Variants in PSD observed in about 807,000 individuals in gnomAD.
The protein encoded by PSD is PH and SEC7 domain-containing protein 1.
A neutral mutation model predicts 91.6 loss-of-function variants in PSD; 32 were observed. The observed-to-expected ratio is 0.35, with a 90% CI of 0.26 to 0.47. PSD has a LOEUF of 0.47. PSD is among the 20% of genes least tolerant of loss of function. The probability of loss-of-function intolerance (pLI) is 1.00; values close to 1 mark genes in which losing one functional copy is unlikely to be tolerated. For missense variants in PSD, 1,099 were observed against 1,373.9 expected (o/e 0.80, Z 3.16); for synonymous variants, 532 against 569.3 (o/e 0.93, Z 0.93).
intron 3 of PSD, among the ~76,000 whole-genome samples, 189 bp downstream of exon 3, chr10:102,415,828 C>T (rs1018404572): frequency 5.3e-5 from 8 of 152,204 alleles, no homozygotes; most frequent in African/African-American, 1.9e-4. Flanking sequence ...CTCCAGGTGC[C>T]CTGCCCAGTC....
rs1312119395 is a variant in PSD at position 102,405,977 on chromosome 10, TG to T, written c.2136-442del. 1 of 169,912 alleles carries T rather than the reference TG, an allele frequency of 5.9e-6. No homozygotes were observed. The highest frequency in any genetic ancestry group is 1.6e-4 in the South Asian group (1 of 6,444). 10.5% of individuals were successfully genotyped at this position (169,912 alleles called of 1,614,324 possible). On this transcript the variant is annotated intron_variant, in intron 11 of 16. Coordinates refer to ENST00000020673, the MANE Select transcript of PSD (RefSeq NM_002779.5). This position sits in a 1 kb window ranked among gnomAD's most constrained non-coding sequence, Gnocchi z 5.4. ...GCCCCCACCCCAACCCCATACATCCTGGTCTACAGGCTCAGTCAGATACAAA... is the reference window on the plus strand; with the variant it reads ...GCCCCCACCCCAACCCCATACATCCTGTCTACAGGCTCAGTCAGATACAAA...
chr10:102,415,466 T>TTTTATTTA (rs111940739), intron 3 of PSD, among the ~76,000 whole-genome samples: 2 of 152,130 alleles, frequency 1.3e-5, no homozygotes, highest in African/African-American at 4.8e-5. Context: ...TTTCTGTCTT[T>TTTTATTTA]TTTATTTATT....
Position 102,404,505 on chromosome 10 carries a change from G to T in PSD, c.2700+78C>A. 6.6e-7 allele frequency: 1 copy of T among 1,506,568 alleles called. No individual in the cohort carries two copies. Among genetic ancestry groups the T allele is most frequent in the Non-Finnish European group, 9.0e-7 (1 of 1,116,960 alleles). 93.3% of individuals were successfully genotyped at this position (1,506,568 alleles called of 1,614,324 possible). A position where few individuals can be genotyped will look rare whatever the true frequency, so the allele number is the denominator to read the frequency against. On this transcript the variant is annotated intron_variant, in intron 15 of 16. Transcript: ENST00000020673. The surrounding 1 kb of genome is among the most constrained non-coding windows in gnomAD (Gnocchi z 5.7). ...GCAGGGGACATCTCCACGATCACAC[G>T]CAGCAGCCTTGAGTGCAGTGGGCCT... is the stretch of plus-strand genomic sequence containing the variant.
intron 11 of PSD, among the ~76,000 whole-genome samples, 192 bp downstream of exon 11, chr10:102,407,031 G>A (rs1435624037): frequency 6.6e-6 from 1 of 152,136 alleles, no homozygotes; most frequent in Non-Finnish European, 1.5e-5. Context: ...AACCCAGCTA[G>A]AGACAAGATA....
In PSD at chr10:102,404,012, T is replaced by C. The variant is rs1322506431; in HGVS notation, c.2701-27A>G. 1 of 1,536,462 alleles carries C rather than the reference T, an allele frequency of 6.5e-7. No homozygotes were observed. Among genetic ancestry groups the C allele is most frequent in the Non-Finnish European group, 8.7e-7 (1 of 1,144,218 alleles). ...TAGCGGCCAGGGGGAGGCATGGTCA[T>C]GGTCACTCTGCCCTATACAGTGCCT... On this transcript the variant is annotated intron_variant, in intron 15 of 16. Transcript: ENST00000020673. The surrounding 1 kb of genome is among the most constrained non-coding windows in gnomAD (Gnocchi z 5.7).
Position 102,404,520 on chromosome 10 carries a change from G to C in PSD, c.2700+63C>G. The C allele has an allele frequency of 6.4e-7, 1 of 1,550,924 alleles. No individual in the cohort carries two copies. The highest frequency in any genetic ancestry group is 8.7e-7 in the Non-Finnish European group (1 of 1,144,284). On this transcript the variant is annotated intron_variant, in intron 15 of 16. Transcript: ENST00000020673. The surrounding 1 kb of genome is among the most constrained non-coding windows in gnomAD (Gnocchi z 5.7). Reference sequence around the variant, plus strand: ...ACGATCACACGCAGCAGCCTTGAGTGCAGTGGGCCTGAGCCTAACACCCTC... The same window carrying C: ...ACGATCACACGCAGCAGCCTTGAGTCCAGTGGGCCTGAGCCTAACACCCTC...
chr10:102,402,863 G>C lies in PSD; in HGVS notation c.*337C>G, dbSNP rs896554739. ...GGACAGAGGGGGACTGATGGTGTCAGGGTGGGGGTGGTCTCAGCAGAAAGC... is the reference window on the plus strand; with the variant it reads ...GGACAGAGGGGGACTGATGGTGTCACGGTGGGGGTGGTCTCAGCAGAAAGC... On this transcript the variant is annotated 3_prime_UTR_variant, in exon 17 of 17. Transcript: ENST00000020673. 3.6e-6 allele frequency: 1 copy of C among 276,168 alleles called. No homozygotes were observed. The highest frequency in any genetic ancestry group is 6.8e-6 in the Non-Finnish European group (1 of 147,556). The allele number at this position is 276,168 out of a possible 1,614,324, so 17.1% of individuals were successfully genotyped here. A position where few individuals can be genotyped will look rare whatever the true frequency, so the allele number is the denominator to read the frequency against.
chr10:102,417,216 G>T (rs2061491402), intron 1 of PSD, 95 bp from the exon 2 acceptor site: 2 of 582,362 alleles, frequency 3.4e-6, no homozygotes, highest in Non-Finnish European at 6.1e-6. Flanking sequence ...TAGGGCCTCT[G>T]AGTATCAGGG....
Position 102,405,686 on chromosome 10 carries a change from C to G in PSD, c.2136-150G>C, listed in dbSNP as rs2061353115. 1 of 701,530 alleles carries G rather than the reference C, an allele frequency of 1.4e-6. No individual in the cohort carries two copies. The highest frequency in any genetic ancestry group is 2.3e-6 in the Non-Finnish European group (1 of 427,922). The allele number at this position is 701,530 out of a possible 1,614,324, so 43.5% of individuals were successfully genotyped here. On this transcript the variant is annotated intron_variant, in intron 11 of 16. Coordinates refer to ENST00000020673, the MANE Select transcript of PSD (RefSeq NM_002779.5). This position sits in a 1 kb window ranked among gnomAD's most constrained non-coding sequence, Gnocchi z 5.4. The stretch of plus-strand genomic sequence containing the variant: ...TCCTGCCATGTCTCCCGTCTCAGAT[C>G]AGGCCTCCACAATGTGTAGCTGTGC...
In PSD at chr10:102,404,682, T is replaced by G. The variant is rs1320752026; in HGVS notation, c.2601A>C (p.Val867=). The G allele has an allele frequency of 6.2e-7, 1 of 1,607,114 alleles. No homozygotes were observed. ...MQSWITRINV[V]AAMFSAPPFP... is the part of the protein sequence containing the mutation. ...AGGGGGGCGCAGAGAACATAGCGGC[T>G]ACTACATTGATGCGAGTGATCCAGG... The change falls in exon 15 of 17, where the codon GTA becomes GTC. Residue 867 remains valine (V), a synonymous_variant. Transcript: ENST00000020673. This position sits in a 1 kb window ranked among gnomAD's most constrained non-coding sequence, Gnocchi z 5.7.
chr10:102,403,076 CGTCCGG>C lies in PSD; in HGVS notation c.*118_*123del, dbSNP rs1217053836. The stretch of plus-strand genomic sequence containing the variant: ...CAGCCCTGCCCTGCCCCGGACACCG[CGTCCGG>C]CGCGGTCGGGCCCTAGGCCGGGAGG... On this transcript the variant is annotated 3_prime_UTR_variant, in exon 17 of 17. Transcript: ENST00000020673. This position sits in a 1 kb window ranked among gnomAD's most constrained non-coding sequence, Gnocchi z 6.7. The C allele has an allele frequency of 6.9e-6, 5 of 726,640 alleles. No individual in the cohort carries two copies. Among genetic ancestry groups the C allele is most frequent in the Non-Finnish European group, 1.0e-5 (5 of 487,604 alleles). 45.0% of individuals were successfully genotyped at this position (726,640 alleles called of 1,614,324 possible).
intron 11 of PSD, 95 bp downstream of exon 11, chr10:102,407,128 C>T (rs565218490): frequency 3.9e-6 from 4 of 1,037,266 alleles, no homozygotes; most frequent in Non-Finnish European, 5.4e-6. Flanking sequence ...CCCTCCCCTA[C>T]CCCCACCCAG....
intron 11 of PSD, 27 bp downstream of exon 11, chr10:102,407,196 G>GC (rs2061372154): frequency 6.3e-7 from 1 of 1,594,040 alleles, no homozygotes; most frequent in East Asian, 2.3e-5. Flanking sequence ...CCCCATCCTA[G>GC]CCCCACCACG....
intron 3 of PSD, among the ~76,000 whole-genome samples, chr10:102,415,768 T>C (rs896826078): frequency 6.6e-6 from 1 of 152,204 alleles, no homozygotes; most frequent in African/African-American, 2.4e-5. Flanking sequence ...TTCTACTCCA[T>C]GGAATGCCCC....
rs35527887 is a variant in PSD, at chr10:102,404,347, CA to C, written c.2700+235del. On this transcript the variant is annotated intron_variant, in intron 15 of 16. Transcript: ENST00000020673. The surrounding 1 kb of genome is among the most constrained non-coding windows in gnomAD (Gnocchi z 5.7). The stretch of plus-strand genomic sequence containing the variant: ...TGGGCAACAGAGCGAGACTCCATCT[CA>C]AAAAAAAAAAAAAAAAAGATGCCCC... Among the ~76,000 whole-genome samples the C allele has an allele frequency of 3.9e-3, 404 of 102,974 alleles. 2 individuals are homozygous for C. The highest frequency in any genetic ancestry group is 8.8e-3 in the African/African-American group (226 of 25,552). 67.6% of individuals were successfully genotyped at this position (102,974 alleles called of 152,430 possible).
rs1565217338 is a variant in PSD at position 102,403,298 on chromosome 10, T to TGGAGCTCAAG, written c.2976_2977insCTTGAGCTCC (p.Ser993LeufsTer38). 1.2e-6 allele frequency: 2 copies of TGGAGCTCAAG among 1,613,860 alleles called. No individual in the cohort carries two copies. The highest frequency in any genetic ancestry group is 2.7e-5 in the African/African-American group (2 of 74,944). ...GAGGGTTTGGGCTGCAGGGAGGGAC[T>TGGAGCTCAAG]GGAGTGAGAAGGAGGGAGTCCATCC... On this transcript the variant is annotated frameshift_variant, in exon 17 of 17. Coordinates refer to ENST00000020673, the MANE Select transcript of PSD (RefSeq NM_002779.5). LOFTEE classifies it high-confidence loss of function. The surrounding 1 kb of genome is among the most constrained non-coding windows in gnomAD (Gnocchi z 6.7).
rs990414929 is a variant in PSD at position 102,412,867 on chromosome 10, A to T, written c.1554-292T>A. ...GGGGCCTACATTTGCTATTAGACAT[A>T]GATTATCTGTTCCCACCCTGGCCCT... On this transcript the variant is annotated intron_variant, in intron 5 of 16. Coordinates refer to ENST00000020673, the MANE Select transcript of PSD (RefSeq NM_002779.5). Among the ~76,000 whole-genome samples the T allele has an allele frequency of 5.9e-5, 9 of 152,028 alleles. No individual in the cohort carries two copies. The South Asian group carries it at 1.7e-3, about 28-fold the overall frequency.
Position 102,405,442 on chromosome 10 carries a change from T to C in PSD, c.2230A>G (p.Ser744Gly), listed in dbSNP as rs759757083. 6.2e-7 allele frequency: 1 copy of C among 1,613,482 alleles called. No individual in the cohort carries two copies. Among genetic ancestry groups the C allele is most frequent in the Non-Finnish European group, 8.5e-7 (1 of 1,179,896 alleles). ...RISGGSGSGS[S>G]PFLDLTPEPG... is the part of the protein sequence containing the mutation. ...TCGGGAGTCAGGTCCAGGAAAGGGC[T>C]GGAGCCACTGCCACTGCCCCCGCTG... The change falls in exon 12 of 17, where the codon AGC becomes GGC. Residue 744 changes from serine to glycine, a missense_variant. This residue lies in a region of PSD where 358 missense variants were observed against 426.5 expected (regional missense o/e 0.84). Transcript: ENST00000020673. The surrounding 1 kb of genome is among the most constrained non-coding windows in gnomAD (Gnocchi z 5.4).
chr10:102,414,109 C>G lies in PSD; in HGVS notation c.1213G>C (p.Val405Leu), dbSNP rs747467180. The G allele has an allele frequency of 1.2e-6, 2 of 1,614,142 alleles. No homozygotes were observed. The highest frequency in any genetic ancestry group is 2.2e-5 in the South Asian group (2 of 91,088). Residue 405 changes from valine to leucine, a missense_variant, in exon 5 of 17, where the codon GTG (valine) becomes CTG (leucine). Val to Leu is a conservative substitution (Grantham distance 32). Coordinates refer to ENST00000020673, the MANE Select transcript of PSD (RefSeq NM_002779.5). The surrounding 1 kb of genome is among the most constrained non-coding windows in gnomAD (Gnocchi z 5.6). The part of the protein sequence containing the change: ...SADGPDSFSC[V>L]FEAILESHRA... Reference sequence around the variant, plus strand: ...TGTGACTCCAGGATGGCTTCGAACACACAACTGAAAGAGTCAGGCCCATCA... The same window carrying G: ...TGTGACTCCAGGATGGCTTCGAACAGACAACTGAAAGAGTCAGGCCCATCA...
Sources: allele counts gnomAD v4.1 joint callset (sites outside exome capture counted in the v4.1 genomes callset), GRCh38; gene constraint gnomAD v4.1.1; regional missense constraint gnomAD v4.1.1; non-coding constraint Gnocchi (gnomAD v3.1); transcripts MANE v1.5; gene names NCBI Gene and HGNC (gene_info 2026-07-23, HGNC 2026-07-21).